The following PLD5 variants were observed in gnomAD, a reference collection of about 807,000 sequenced individuals.
PLD5 encodes the protein phospholipase D family member 5, also known as inactive phospholipase D5.
PLD5 carries 36 observed loss-of-function variants against 61.1 expected under a neutral mutation model. That is an observed-to-expected ratio of 0.59 (90% CI 0.45 to 0.78). The LOEUF is 0.78. Ranked by LOEUF, PLD5 falls within the 30% of genes least tolerant of loss-of-function variation. The pLI is 0.00. For missense variants in PLD5, 515 were observed against 644.4 expected (o/e 0.80, Z 2.17); for synonymous variants, 243 against 242.8 (o/e 1.00, Z -0.01).
chr1:242,142,963 C>T (rs1664284951), intron 5 of PLD5, among the ~76,000 whole-genome samples: 4 of 151,804 alleles, frequency 2.6e-5, no homozygotes, highest in Admixed American at 2.6e-4. Flanking sequence ...AGTGATCTGC[C>T]TGCCTCGGCC....
intron 2 of PLD5, among the ~76,000 whole-genome samples, chr1:242,308,342 G>T (rs1676494418): frequency 6.6e-6 from 1 of 152,146 alleles, no homozygotes; most frequent in Non-Finnish European, 1.5e-5. Flanking sequence ...TGATGAACTA[G>T]GAGTCTCAGG....
chr1:242,224,587 C>A (rs979436274), intron 4 of PLD5, among the ~76,000 whole-genome samples: 1 of 152,092 alleles, frequency 6.6e-6, no homozygotes, highest in African/African-American at 2.4e-5. Context: ...AGCTTAGTAT[C>A]CACATGCAAA....
chr1:242,089,246 T>A lies in PLD5; in HGVS notation c.*608A>T, dbSNP rs1659627196. 2.5e-6 allele frequency: 1 copy of A among 398,678 alleles called. No individual in the cohort carries two copies. The highest frequency in any genetic ancestry group is 4.4e-6 in the Non-Finnish European group (1 of 226,270). The allele number at this position is 398,678 out of a possible 1,614,324, so 24.7% of individuals were successfully genotyped here. A position where few individuals can be genotyped will look rare whatever the true frequency, so the allele number is the denominator to read the frequency against. On this transcript the variant is annotated 3_prime_UTR_variant, in exon 10 of 10. Coordinates refer to ENST00000536534, the MANE Select transcript of PLD5 (RefSeq NM_001372062.1). ...TGAGGTGAATACAGAAAATGCTATA[T>A]AATAGGAACATTTTGTGAGAAGAGA...
chr1:242,277,811 C>T (rs188739933), intron 3 of PLD5, among the ~76,000 whole-genome samples: 11 of 152,012 alleles, frequency 7.2e-5, no homozygotes, highest in Non-Finnish European at 1.0e-4. Flanking sequence ...GGTGAAACCT[C>T]ATCTCTACTG....
chr1:242,479,687 T>C (rs1490848864), intron 1 of PLD5, among the ~76,000 whole-genome samples: 6 of 151,994 alleles, frequency 3.9e-5, no homozygotes, highest in Admixed American at 3.9e-4. Context: ...AAAATATATA[T>C]AAAATGAAAA....
intron 1 of PLD5, among the ~76,000 whole-genome samples, chr1:242,438,587 G>T (rs967691153): frequency 6.6e-6 from 1 of 151,938 alleles, no homozygotes; most frequent in African/African-American, 2.4e-5. Flanking sequence ...CAGATTACCG[G>T]CACGCATCAC....
chr1:242,388,495 G>T (rs1193734720), intron 1 of PLD5, among the ~76,000 whole-genome samples: 2 of 152,184 alleles, frequency 1.3e-5, no homozygotes, highest in African/African-American at 4.8e-5. Flanking sequence ...AGGAACAGAA[G>T]ACTGAAGGGA....
At chr1:242,320,206 C>T (rs112676675) in intron 2 of PLD5, among the ~76,000 whole-genome samples, 7 of 152,254 alleles carry the variant, frequency 4.6e-5, no homozygotes, top group South Asian at 2.1e-4. Context: ...CATTTATTGA[C>T]GGTATTATAT....
intron 5 of PLD5, among the ~76,000 whole-genome samples, chr1:242,189,553 G>A (rs1403903635): frequency 6.7e-6 from 1 of 150,100 alleles, no homozygotes; most frequent in East Asian, 1.9e-4. Flanking sequence ...ATGCGTCACT[G>A]TTCTAGACAC....
intron 1 of PLD5, among the ~76,000 whole-genome samples, chr1:242,510,307 T>C (rs1668863707): frequency 6.6e-6 from 1 of 152,102 alleles, no homozygotes; most frequent in Non-Finnish European, 1.5e-5. Context: ...GTGCAGAACA[T>C]GATTCTCCAA....
chr1:242,288,719 T>C (rs12125184), intron 2 of PLD5, among the ~76,000 whole-genome samples, 189 bp from the exon 3 acceptor site: 8,667 of 152,312 alleles, frequency 0.057, 293 homozygotes, highest in Middle Eastern at 0.11. Context: ...CCTACTGTGT[T>C]CTGAGAGTTT....
intron 1 of PLD5, among the ~76,000 whole-genome samples, chr1:242,471,778 CA>C (rs2102950135): frequency 6.6e-6 from 1 of 152,180 alleles, no homozygotes; most frequent in East Asian, 1.9e-4. Flanking sequence ...TTTCCTACAA[CA>C]AAATGTGTTC....
chr1:242,311,197 A>T (rs1298860546), intron 2 of PLD5, among the ~76,000 whole-genome samples: 1 of 152,208 alleles, frequency 6.6e-6, no homozygotes, highest in African/African-American at 2.4e-5. Context: ...ACCACAAATG[A>T]CTAAAAAAAA....
intron 2 of PLD5, among the ~76,000 whole-genome samples, chr1:242,328,642 A>T (rs1363978281): frequency 1.3e-5 from 2 of 152,252 alleles, no homozygotes; most frequent in Non-Finnish European, 2.9e-5. Flanking sequence ...TGATGTATAT[A>T]TAAAAAATAG....
intron 3 of PLD5, among the ~76,000 whole-genome samples, chr1:242,277,904 A>G (rs1342162662): frequency 6.6e-6 from 1 of 152,170 alleles, no homozygotes; most frequent in Non-Finnish European, 1.5e-5. Flanking sequence ...AACTGCTTGC[A>G]CCCGGGAGAT....
chr1:242,284,728 T>C (rs1674923011), intron 3 of PLD5, among the ~76,000 whole-genome samples: 1 of 152,202 alleles, frequency 6.6e-6, no homozygotes, highest in Admixed American at 6.5e-5. Flanking sequence ...GAAATTCCAC[T>C]ACCTTGTTGA....
chr1:242,469,878 TC>T (rs1275769306), intron 1 of PLD5, among the ~76,000 whole-genome samples: 1 of 152,078 alleles, frequency 6.6e-6, no homozygotes, highest in African/African-American at 2.4e-5. Context: ...ACTCATAACG[TC>T]ACAGTTGCTT....
At chr1:242,342,228 T>C (rs1157506004) in intron 2 of PLD5, among the ~76,000 whole-genome samples, 2 of 152,226 alleles carry the variant, frequency 1.3e-5, no homozygotes, top group Non-Finnish European at 2.9e-5. Flanking sequence ...GAGTGTCTAA[T>C]AGTGTCTCTA....
intron 1 of PLD5, among the ~76,000 whole-genome samples, chr1:242,521,376 T>C (rs1445995424): frequency 2.6e-5 from 4 of 152,162 alleles, no homozygotes; most frequent in Non-Finnish European, 5.9e-5. Context: ...TGGGTGGAAA[T>C]CCATTCTTTG....
Sources: allele counts gnomAD v4.1 joint callset (sites outside exome capture counted in the v4.1 genomes callset), GRCh38; gene constraint gnomAD v4.1.1; transcripts MANE v1.5; gene names NCBI Gene and HGNC (gene_info 2026-07-23, HGNC 2026-07-21).